Variants in NCAM1 observed in about 807,000 individuals in gnomAD.
NCAM1 encodes antigen recognized by monoclonal antibody 5.1H11.
Under a neutral mutation model 109.8 loss-of-function variants are expected in NCAM1, and 14 were observed. The observed-to-expected ratio is 0.13, with a 90% CI of 0.08 to 0.20. NCAM1 has a LOEUF of 0.20. Among genes scored for constraint, NCAM1 ranks in the 10% least tolerant of loss-of-function variants. The probability of loss-of-function intolerance (pLI) is 1.00; values close to 1 mark genes in which losing one functional copy is unlikely to be tolerated. For synonymous variants in NCAM1, 418 were observed against 442.9 expected (o/e 0.94, Z 0.70); for missense variants, 774 against 1,109.9 (o/e 0.70, Z 4.30).
At chr11:113,059,024 G>A (rs1953822036) in intron 1 of NCAM1, among the ~76,000 whole-genome samples, 1 of 152,176 alleles carries the variant, frequency 6.6e-6, no homozygotes, top group Non-Finnish European at 1.5e-5. Flanking sequence ...TGGACAAACA[G>A]CTTGAAAAAG....
intron 1 of NCAM1, among the ~76,000 whole-genome samples, chr11:113,012,604 A>G (rs1418001984): frequency 6.6e-6 from 1 of 152,048 alleles, no homozygotes; most frequent in Non-Finnish European, 1.5e-5. Context: ...CCTCTTCCCC[A>G]CTTCCAGTAG....
At chr11:113,262,845 G>A (rs782732761) in intron 17 of NCAM1, 2 of 1,613,638 alleles carry the variant, frequency 1.2e-6, no homozygotes, top group Non-Finnish European at 1.7e-6. Context: ...GACACCTGCA[G>A]CAACCTTGGG....
intron 1 of NCAM1, among the ~76,000 whole-genome samples, chr11:113,135,433 G>A (rs1216584367): frequency 6.6e-6 from 1 of 152,166 alleles, no homozygotes; most frequent in Non-Finnish European, 1.5e-5. Flanking sequence ...AGCATGGGAA[G>A]TGCGATGTGT....
intron 1 of NCAM1, among the ~76,000 whole-genome samples, chr11:113,188,468 G>A (rs1943579052): frequency 1.3e-5 from 2 of 152,146 alleles, no homozygotes; most frequent in Admixed American, 1.3e-4. Flanking sequence ...GTTTCTTATA[G>A]GAATAGAAGA....
Position 113,271,745 on chromosome 11 carries a change from G to A in NCAM1, c.2340-15G>A, listed in dbSNP as rs1555125384. ...CAGCTGCCCTAGGGTCTAACCAGCA[G>A]TACTGTCTCCACAGGAAAGATGAGT... On this transcript the variant is annotated splice_polypyrimidine_tract_variant and intron_variant, in intron 18 of 19. Coordinates refer to ENST00000316851, the MANE Select transcript of NCAM1 (RefSeq NM_181351.5). The A allele has an allele frequency of 2.6e-6, 4 of 1,548,680 alleles. No homozygotes were observed. Among genetic ancestry groups the A allele is most frequent in the Admixed American group, 2.0e-5 (1 of 50,988 alleles).
chr11:113,273,500 G>A lies in NCAM1; in HGVS notation c.2456+1624G>A, dbSNP rs1946335067. Reference sequence around the variant, plus strand: ...CCCAGCCCGGAGCCGCGAAGAGCCCGGCCGAGGCAGCCACAGCCCTTGCTA... The same window carrying A: ...CCCAGCCCGGAGCCGCGAAGAGCCCAGCCGAGGCAGCCACAGCCCTTGCTA... On this transcript the variant is annotated intron_variant, in intron 19 of 19. Coordinates refer to ENST00000316851, the MANE Select transcript of NCAM1 (RefSeq NM_181351.5). The surrounding 1 kb of genome is among the most constrained non-coding windows in gnomAD (Gnocchi z 6.0). 3 of 332,474 alleles carry A rather than the reference G, an allele frequency of 9.0e-6. No individual in the cohort carries two copies. Among genetic ancestry groups the A allele is most frequent in the Non-Finnish European group, 1.8e-5 (3 of 164,986 alleles). 20.6% of individuals were successfully genotyped at this position (332,474 alleles called of 1,614,324 possible).
intron 14 of NCAM1, chr11:113,243,087 C>A: frequency 6.7e-4 from 405 of 607,250 alleles, no homozygotes; most frequent in Non-Finnish European, 7.8e-4. Flanking sequence ...CATGAGGAGG[C>A]TTTTCCAAAT....
chr11:113,244,649 G>A (rs1198430488), intron 14 of NCAM1, among the ~76,000 whole-genome samples: 4 of 47,516 alleles, frequency 8.4e-5, no homozygotes, highest in African/African-American at 2.8e-4. Context: ...GCTTCTGTGT[G>A]TGTGCGTGTG....
chr11:113,083,255 T>G (rs992521953), intron 1 of NCAM1, among the ~76,000 whole-genome samples: 2 of 152,164 alleles, frequency 1.3e-5, no homozygotes. Context: ...TACACTATCA[T>G]CTCCTACTTT....
chr11:112,977,652 A>C (rs782516459), intron 1 of NCAM1, among the ~76,000 whole-genome samples: 22 of 151,902 alleles, frequency 1.4e-4, no homozygotes, highest in Non-Finnish European at 2.8e-4. Context: ...TTAAAAATCT[A>C]AATTGTCATT....
intron 1 of NCAM1, among the ~76,000 whole-genome samples, chr11:113,103,383 A>C (rs1168175217): frequency 6.6e-6 from 1 of 152,232 alleles, no homozygotes; most frequent in East Asian, 1.9e-4. Context: ...TAATTGTACT[A>C]AATGCTAATT....
intron 1 of NCAM1, among the ~76,000 whole-genome samples, chr11:113,084,213 A>G (rs1408759631): frequency 6.6e-6 from 1 of 152,152 alleles, no homozygotes; most frequent in Non-Finnish European, 1.5e-5. Context: ...GCCCACTCTC[A>G]GGGCCCATCC....
chr11:113,277,464 G>A lies in NCAM1; in HGVS notation c.*2077G>A. The A allele has an allele frequency of 2.5e-6, 1 of 399,060 alleles. No individual in the cohort carries two copies. Among genetic ancestry groups the A allele is most frequent in the Non-Finnish European group, 4.4e-6 (1 of 226,088 alleles). 24.7% of individuals were successfully genotyped at this position (399,060 alleles called of 1,614,324 possible). On this transcript the variant is annotated 3_prime_UTR_variant, in exon 20 of 20. Coordinates refer to ENST00000316851, the MANE Select transcript of NCAM1 (RefSeq NM_181351.5). Reference sequence around the variant, plus strand: ...GGCCCTCAGAATAGAGGAACATGAAGAGAGATCTTAGAGCACACAGTAGAA... The same window carrying A: ...GGCCCTCAGAATAGAGGAACATGAAAAGAGATCTTAGAGCACACAGTAGAA...
chr11:112,976,869 G>T (rs1416044422), intron 1 of NCAM1, among the ~76,000 whole-genome samples: 1 of 151,754 alleles, frequency 6.6e-6, no homozygotes, highest in South Asian at 2.1e-4. Context: ...CAGAAAAATC[G>T]AGTTGCATTT....
chr11:113,009,478 C>T (rs556217007), intron 1 of NCAM1, among the ~76,000 whole-genome samples: 22 of 151,906 alleles, frequency 1.4e-4, no homozygotes, highest in African/African-American at 5.3e-4. Flanking sequence ...GTGCCCACCA[C>T]GCCTGGGGAA....
chr11:113,233,423 C>T lies in NCAM1; in HGVS notation c.1693+106C>T. ...GTTCCTACAGAATCAGGAACTGCACCTCCAGAATTAGGTCAAAGTCATATC... is the reference window on the plus strand; with the variant it reads ...GTTCCTACAGAATCAGGAACTGCACTTCCAGAATTAGGTCAAAGTCATATC... On this transcript the variant is annotated intron_variant, in intron 13 of 19. Coordinates refer to ENST00000316851, the MANE Select transcript of NCAM1 (RefSeq NM_181351.5). The surrounding 1 kb of genome is among the most constrained non-coding windows in gnomAD (Gnocchi z 4.5). 1.6e-6 allele frequency: 2 copies of T among 1,240,724 alleles called. No homozygotes were observed. Among genetic ancestry groups the T allele is most frequent in the Non-Finnish European group, 2.2e-6 (2 of 891,710 alleles). The allele number at this position is 1,240,724 out of a possible 1,614,324, so 76.9% of individuals were successfully genotyped here. A position where few individuals can be genotyped will look rare whatever the true frequency, so the allele number is the denominator to read the frequency against.
At chr11:113,131,257 A>G (rs1555098249) in intron 1 of NCAM1, among the ~76,000 whole-genome samples, 1 of 152,156 alleles carries the variant, frequency 6.6e-6, no homozygotes, top group Non-Finnish European at 1.5e-5. Flanking sequence ...TGATGTGATT[A>G]GCAGTGAGCC....
chr11:113,171,788 G>A (rs185513897), intron 1 of NCAM1, among the ~76,000 whole-genome samples: 7 of 152,098 alleles, frequency 4.6e-5, no homozygotes, highest in African/African-American at 7.2e-5. Context: ...AATTCTGTCC[G>A]CCCCAAATTC....
In NCAM1 at chr11:113,237,917, TATATAG is replaced by T. The variant is rs1321157805; in HGVS notation, c.1825+2765_1825+2770del. ...ATATAGATATATAGATATATATAGA[TATATAG>T]ATATAGATATATAGATATATATATA... On this transcript the variant is annotated intron_variant, in intron 14 of 19. Transcript: ENST00000316851. Among the ~76,000 whole-genome samples, 361 of 58,932 alleles carry T rather than the reference TATATAG, an allele frequency of 6.1e-3. 6 individuals carry two copies. Among genetic ancestry groups the T allele is most frequent in the African/African-American group, 0.017 (346 of 20,268 alleles). 38.7% of individuals were successfully genotyped at this position (58,932 alleles called of 152,430 possible). A position where few individuals can be genotyped will look rare whatever the true frequency, so the allele number is the denominator to read the frequency against.
Sources: gnomAD v4.1 joint callset for allele counts (sites outside exome capture counted in the v4.1 genomes callset) on GRCh38, gnomAD v4.1.1 for gene constraint, Gnocchi (gnomAD v3.1) non-coding constraint, MANE v1.5 for transcripts, NCBI Gene and HGNC (gene_info 2026-07-23, HGNC 2026-07-21) for gene names.